Variants in GRID2 observed in about 807,000 individuals in gnomAD.
GRID2 encodes the protein glutamate ionotropic receptor delta type subunit 2.
In GRID2, 33 loss-of-function variants were observed where a neutral mutation model predicts 114.8. The ratio of observed to expected loss-of-function variants is 0.29; its 90% confidence interval spans 0.22 to 0.38. The LOEUF is 0.38. Ranked by LOEUF, GRID2 falls within the 10% of genes least tolerant of loss-of-function variation. The pLI is 1.00. For synonymous variants in GRID2, 505 were observed against 449.9 expected, an observed-to-expected ratio of 1.12 and a Z score of -1.55; for missense variants, 1,184 against 1,257.7, an observed-to-expected ratio of 0.94 and a Z score of 0.89.
chr4:93,334,599 G>T (rs1159911750), intron 8 of GRID2, among the ~76,000 whole-genome samples: 1 of 152,188 alleles, frequency 6.6e-6, no homozygotes, highest in Non-Finnish European at 1.5e-5. Flanking sequence ...ATAGCATTGG[G>T]TTTAAGAAGA....
chr4:92,722,736 T>A (rs951119859), intron 2 of GRID2, among the ~76,000 whole-genome samples: 18 of 152,098 alleles, frequency 1.2e-4, no homozygotes, highest in Non-Finnish European at 2.6e-4. Flanking sequence ...ATTTAGTGTC[T>A]GCTGGGGTTA....
At chr4:93,238,243 T>C (rs1030289814) in intron 7 of GRID2, 128 bp from the exon 8 acceptor site, 1 of 566,276 alleles carries the variant, frequency 1.8e-6, no homozygotes, top group Non-Finnish European at 3.0e-6. Flanking sequence ...AAAAGTAGTC[T>C]GTTAAAAATT....
At chr4:93,596,394 C>T (rs1030621308) in intron 13 of GRID2, among the ~76,000 whole-genome samples, 60 of 151,980 alleles carry the variant, frequency 3.9e-4, no homozygotes, top group Admixed American at 9.2e-4. Flanking sequence ...CTGGCTAACA[C>T]GGTGAAACCC....
intron 13 of GRID2, among the ~76,000 whole-genome samples, chr4:93,588,083 A>C (rs1456737065): frequency 6.6e-6 from 1 of 152,164 alleles, no homozygotes; most frequent in Non-Finnish European, 1.5e-5. Flanking sequence ...AGGTAGTATG[A>C]AAATACCTTC....
At chr4:92,674,668 C>T (rs1287107520) in intron 2 of GRID2, among the ~76,000 whole-genome samples, 6 of 151,956 alleles carry the variant, frequency 3.9e-5, no homozygotes, top group Non-Finnish European at 7.4e-5. Flanking sequence ...ATTACAGGCA[C>T]CTACCACCAT....
chr4:93,107,810 A>C (rs749183272), intron 3 of GRID2, among the ~76,000 whole-genome samples: 1 of 152,132 alleles, frequency 6.6e-6, no homozygotes. Context: ...TAAAACATGC[A>C]ATCAAACACG....
chr4:93,761,655 T>A (rs1464253503), intron 14 of GRID2, among the ~76,000 whole-genome samples: 2 of 152,196 alleles, frequency 1.3e-5, no homozygotes, highest in Non-Finnish European at 2.9e-5. Flanking sequence ...AAACTCTTGG[T>A]GGATTGAAAT....
At chr4:92,716,488 G>T (rs1735557651) in intron 2 of GRID2, among the ~76,000 whole-genome samples, 1 of 152,188 alleles carries the variant, frequency 6.6e-6, no homozygotes, top group African/African-American at 2.4e-5. Flanking sequence ...ATAGTACGTT[G>T]TAAAGGAAAA....
intron 8 of GRID2, among the ~76,000 whole-genome samples, chr4:93,314,303 C>CAAA (rs56977080): frequency 5.1e-3 from 271 of 53,300 alleles, no homozygotes; most frequent in Middle Eastern, 0.015. Flanking sequence ...GAGTCTGTCT[C>CAAA]AAAAAAAAAA....
chr4:93,796,656 G>T (rs888292029), intron 1 of GRID2, among the ~76,000 whole-genome samples: 5 of 152,156 alleles, frequency 3.3e-5, no homozygotes, highest in African/African-American at 9.7e-5. Flanking sequence ...TGATTCTCCT[G>T]CCTCAGCCTC....
intron 2 of GRID2, among the ~76,000 whole-genome samples, chr4:92,935,817 T>A (rs1750628825): frequency 1.4e-5 from 2 of 138,156 alleles, no homozygotes; most frequent in African/African-American, 5.2e-5. Context: ...TTCTCACTCA[T>A]AGGTGGGAAT....
chr4:93,651,278 C>T (rs1394675799), intron 14 of GRID2, among the ~76,000 whole-genome samples: 3 of 152,146 alleles, frequency 2.0e-5, no homozygotes, highest in African/African-American at 7.2e-5. Context: ...CAAAGATGAC[C>T]TTGTGTACAG....
intron 1 of GRID2, among the ~76,000 whole-genome samples, chr4:93,783,121 AG>A (rs1474127465): frequency 8.5e-5 from 13 of 152,360 alleles, no homozygotes; most frequent in African/African-American, 3.1e-4. Context: ...CATCTGAACA[AG>A]CAAGTCGCTA....
chr4:92,741,955 G>A (rs1208641644), intron 2 of GRID2, among the ~76,000 whole-genome samples: 2 of 152,032 alleles, frequency 1.3e-5, no homozygotes, highest in Non-Finnish European at 1.5e-5. Flanking sequence ...AACAACTCTG[G>A]CTCGAAATGT....
intron 1 of GRID2, among the ~76,000 whole-genome samples, chr4:92,440,421 G>A (rs374654164): frequency 1.5e-4 from 22 of 151,518 alleles, no homozygotes; most frequent in African/African-American, 4.1e-4. Flanking sequence ...CAGTGAAAGT[G>A]TCTACCTAGA....
intron 8 of GRID2, among the ~76,000 whole-genome samples, chr4:93,340,939 C>G (rs1354786431): frequency 6.6e-6 from 1 of 152,014 alleles, no homozygotes; most frequent in Admixed American, 6.6e-5. Context: ...CCTGGCATTT[C>G]CAAGGCCCAA....
intron 4 of GRID2, among the ~76,000 whole-genome samples, chr4:93,157,536 T>C (rs534874422): frequency 5.2e-4 from 79 of 151,908 alleles, no homozygotes; most frequent in Middle Eastern, 6.8e-3. Flanking sequence ...GACATGCATA[T>C]GTCTTTCATT....
intron 13 of GRID2, among the ~76,000 whole-genome samples, chr4:93,622,062 T>C (rs1320564311): frequency 6.6e-6 from 1 of 152,024 alleles, no homozygotes; most frequent in Admixed American, 6.6e-5. Context: ...AGACTAACAG[T>C]TTAAAACAGA....
intron 2 of GRID2, among the ~76,000 whole-genome samples, chr4:92,778,976 T>C (rs1738935944): frequency 1.3e-5 from 2 of 152,082 alleles, no homozygotes; most frequent in Admixed American, 6.6e-5. Flanking sequence ...ACCCTTATAC[T>C]TGGCTCCTAT....
Sources: allele counts gnomAD v4.1 joint callset (sites outside exome capture counted in the v4.1 genomes callset), GRCh38; gene constraint gnomAD v4.1.1; transcripts MANE v1.5; gene names NCBI Gene and HGNC (gene_info 2026-07-23, HGNC 2026-07-21).